Variants in SYNE1 observed in about 807,000 individuals in gnomAD.
The protein encoded by SYNE1 is spectrin repeat containing nuclear envelope protein 1.
Under a neutral mutation model 1,111.0 loss-of-function variants are expected in SYNE1, and 616 were observed. That is an observed-to-expected ratio of 0.55 (90% CI 0.52 to 0.59). SYNE1 has a LOEUF of 0.59. Ranked by LOEUF, SYNE1 falls within the 20% of genes least tolerant of loss-of-function variation. The pLI is 0.00. For missense variants in SYNE1, 10,006 were observed against 10,417.0 expected, an observed-to-expected ratio of 0.96 and a Z score of 1.72; for synonymous variants, 3,855 against 3,825.8, an observed-to-expected ratio of 1.01 and a Z score of -0.28.
intron 11 of SYNE1, among the ~76,000 whole-genome samples, chr6:152,489,367 C>T (rs114687097): frequency 1.6e-4 from 25 of 151,822 alleles, no homozygotes; most frequent in African/African-American, 5.6e-4. Flanking sequence ...GTGATGTTTC[C>T]GAATGGAAAG....
chr6:152,473,311 C>T (rs1037761612), intron 14 of SYNE1, among the ~76,000 whole-genome samples: 2 of 152,234 alleles, frequency 1.3e-5, no homozygotes, highest in East Asian at 1.9e-4. Flanking sequence ...CAAAATAATA[C>T]ATTAAAATTA....
rs764067185 is a variant in SYNE1, at chr6:152,176,549, C to G, written c.23472G>C (p.Glu7824Asp). 1.9e-6 allele frequency: 3 copies of G among 1,614,072 alleles called. No homozygotes were observed. Among genetic ancestry groups the G allele is most frequent in the South Asian group, 2.2e-5 (2 of 91,078 alleles). The change falls in exon 130 of 146, where the codon GAG (glutamate) becomes GAC (aspartate). Residue 7824 changes from glutamate to aspartate, a missense_variant. Glu to Asp is a conservative substitution (Grantham distance 45). This residue lies in a region of SYNE1 where 2,182 missense variants were observed against 2,287.8 expected (regional missense o/e 0.95). Coordinates refer to ENST00000367255, the MANE Select transcript of SYNE1 (RefSeq NM_182961.4). ...MIEKLKKDYQ[E>D]EIAIAQENKI... is the part of the protein sequence containing the mutation. Reference sequence around the variant, plus strand: ...TGTTCTCTTGAGCAATAGCAATTTCCTCTTGATAATCCTGTGTAATAAATA... The same window carrying G: ...TGTTCTCTTGAGCAATAGCAATTTCGTCTTGATAATCCTGTGTAATAAATA...
Position 152,330,150 on chromosome 6 carries a change from G to C in SYNE1, c.14535C>G (p.His4845Gln). The change falls in exon 78 of 146, where the codon CAC becomes CAG. Residue 4845 changes from histidine (H) to glutamine (Q), a missense_variant. By Grantham distance (24) the His-to-Gln change is conservative (BLOSUM62 0). Coordinates refer to ENST00000367255, the MANE Select transcript of SYNE1 (RefSeq NM_182961.4). ...VTIHLEDLAPHLDPLAYEKAR... is the reference protein window; with the variant it reads ...VTIHLEDLAPQLDPLAYEKAR... ...CTTTCTCATAAGCCAAGGGGTCAAG[G>C]TGTGGGGCAAGATCTTCAAGATGTA... 6.2e-7 allele frequency: 1 copy of C among 1,614,188 alleles called. No individual in the cohort carries two copies. The highest frequency in any genetic ancestry group is 8.5e-7 in the Non-Finnish European group (1 of 1,180,038).
intron 95 of SYNE1, 162 bp from the exon 96 acceptor site, chr6:152,284,334 TG>T: frequency 2.5e-6 from 2 of 794,928 alleles, no homozygotes; most frequent in Non-Finnish European, 4.2e-6. Context: ...CATTTCTAAA[TG>T]AAAGGCCAGG....
chr6:152,211,616 C>G, intron 123 of SYNE1, 28 bp from the exon 124 acceptor site: 8 of 1,578,636 alleles, frequency 5.1e-6, no homozygotes, highest in Non-Finnish European at 5.2e-6. Flanking sequence ...GAAGAACATA[C>G]TTTAGAGTTC....
chr6:152,536,377 A>AAT (rs201058313), intron 4 of SYNE1, among the ~76,000 whole-genome samples: 23 of 83,308 alleles, frequency 2.8e-4, no homozygotes, highest in East Asian at 9.8e-4. Context: ...TATATATAGT[A>AAT]ATATATATAT....
At chr6:152,564,106 C>A (rs1423027548) in intron 3 of SYNE1, among the ~76,000 whole-genome samples, 2 of 152,126 alleles carry the variant, frequency 1.3e-5, no homozygotes, top group Non-Finnish European at 2.9e-5. Context: ...CAATCAAAGA[C>A]TAGATTTTTA....
At chr6:152,506,521 CCATT>C (rs986169899) in intron 8 of SYNE1, among the ~76,000 whole-genome samples, 2 of 151,516 alleles carry the variant, frequency 1.3e-5, no homozygotes, top group African/African-American at 4.9e-5. Flanking sequence ...TTGTAAGTGT[CCATT>C]ATTATTATTA....
intron 126 of SYNE1, 123 bp from the exon 127 acceptor site, chr6:152,202,072 T>C: frequency 7.7e-7 from 1 of 1,306,178 alleles, no homozygotes; most frequent in Admixed American, 2.0e-5. Context: ...GATGGCTGAG[T>C]GTGGTGGCTC....
At position 152,409,295 on chromosome 6, in the gene SYNE1, T is replaced by C. The variant is rs187105963; in HGVS notation, c.6382-69A>G. 8.1e-4 allele frequency: 1,208 copies of C among 1,495,360 alleles called. 9 individuals are homozygous for C. In the African/African-American group the frequency reaches 0.015, roughly 19 times the overall value. 92.6% of individuals were successfully genotyped at this position (1,495,360 alleles called of 1,614,324 possible). On this transcript the variant is annotated intron_variant, in intron 43 of 145. Coordinates refer to ENST00000367255, the MANE Select transcript of SYNE1 (RefSeq NM_182961.4). The stretch of plus-strand genomic sequence containing the variant: ...AGTCATGAGTTTAAAACCATTTGTC[T>C]CTAAGAAATTTAATTCATAATTGAC...
At chr6:152,168,470 G>A in intron 130 of SYNE1, 1 of 423,400 alleles carries the variant, frequency 2.4e-6, no homozygotes, top group Non-Finnish European at 4.2e-6. Flanking sequence ...AGTGTAATCT[G>A]TAAGGAGGAG....
rs1338401030 is a variant in SYNE1 at position 152,281,314 on chromosome 6, G to A, written c.18381+493C>T. Among the ~76,000 whole-genome samples, 3 of 152,136 alleles carry A rather than the reference G, an allele frequency of 2.0e-5. No homozygotes were observed. The East Asian group carries it at 5.8e-4, about 29-fold the overall frequency. On this transcript the variant is annotated intron_variant, in intron 97 of 145. Transcript: ENST00000367255. The stretch of plus-strand genomic sequence containing the variant: ...AGTAATTCCTAGAGCCCTAACATAG[G>A]TGGAAAACACATTCTCTGCTCCAAA...
chr6:152,381,656 A>C lies in SYNE1; in HGVS notation c.8653-294T>G. Reference sequence around the variant, plus strand: ...CACACGTGAAAATGTTTAGTGACTCAAGTGTTTGCCTGTGGTGGATTGCTC... The same window carrying C: ...CACACGTGAAAATGTTTAGTGACTCCAGTGTTTGCCTGTGGTGGATTGCTC... On this transcript the variant is annotated intron_variant, in intron 55 of 145. Coordinates refer to ENST00000367255, the MANE Select transcript of SYNE1 (RefSeq NM_182961.4). The C allele has an allele frequency of 1.3e-5, 6 of 447,812 alleles. 1 individual carries two copies. Among genetic ancestry groups the C allele is most frequent in the Middle Eastern group, 6.6e-4 (1 of 1,510 alleles). 27.7% of individuals were successfully genotyped at this position (447,812 alleles called of 1,614,324 possible). A position where few individuals can be genotyped will look rare whatever the true frequency, so the allele number is the denominator to read the frequency against.
chr6:152,172,547 A>G (rs2065468713), intron 130 of SYNE1, among the ~76,000 whole-genome samples: 1 of 152,172 alleles, frequency 6.6e-6, no homozygotes, highest in African/African-American at 2.4e-5. Flanking sequence ...AGATGCTAAG[A>G]TGAGAAATGT....
chr6:152,192,366 G>A (rs146327728), intron 127 of SYNE1, among the ~76,000 whole-genome samples: 1 of 151,972 alleles, frequency 6.6e-6, no homozygotes, highest in Admixed American at 6.6e-5. Flanking sequence ...AGCTATTATT[G>A]TATTTGGGTC....
intron 82 of SYNE1, among the ~76,000 whole-genome samples, chr6:152,323,096 G>C (rs9479292): frequency 0.085 from 12,902 of 152,232 alleles, 977 homozygotes; most frequent in African/African-American, 0.21. Flanking sequence ...TTTCAAGGTG[G>C]TGTGAAGGAG....
intron 4 of SYNE1, 101 bp from the exon 5 acceptor site, chr6:152,526,276 G>A: frequency 8.5e-7 from 1 of 1,176,746 alleles, no homozygotes; most frequent in South Asian, 1.3e-5. Context: ...GAAATTTGTA[G>A]GAGAGGCTTC....
intron 132 of SYNE1, chr6:152,155,363 T>G (rs142499157): frequency 0.035 from 12,648 of 364,466 alleles, 296 homozygotes; most frequent in Middle Eastern, 0.045. Flanking sequence ...AGGTTTACAG[T>G]GTGCACTCAG....
chr6:152,340,108 G>A (rs2096498807), intron 74 of SYNE1, among the ~76,000 whole-genome samples: 1 of 152,178 alleles, frequency 6.6e-6, no homozygotes, highest in Non-Finnish European at 1.5e-5. Flanking sequence ...GTGCTAAGCA[G>A]ATAGCGTATG....
Sources: gnomAD v4.1 joint callset for allele counts (sites outside exome capture counted in the v4.1 genomes callset) on GRCh38, gnomAD v4.1.1 for gene constraint, gnomAD v4.1.1 regional missense constraint, MANE v1.5 for transcripts, NCBI Gene and HGNC (gene_info 2026-07-23, HGNC 2026-07-21) for gene names.